KIRREL3: variants seen among roughly 807,000 people sequenced by gnomAD.
KIRREL3 encodes the protein kin of IRRE-like protein 3.
A neutral mutation model predicts 89.7 loss-of-function variants in KIRREL3; 36 were observed. That is an observed-to-expected ratio of 0.40 (90% CI 0.31 to 0.53). KIRREL3 has a LOEUF of 0.53. KIRREL3 is among the 20% of genes least tolerant of loss of function. The pLI, the probability that KIRREL3 is intolerant of heterozygous loss-of-function variation, is 0.49. For synonymous variants in KIRREL3, 445 were observed against 441.4 expected (o/e 1.01, Z -0.10); for missense variants, 864 against 1,056.6 (o/e 0.82, Z 2.53).
At position 126,903,762 on chromosome 11, in the gene KIRREL3, A is replaced by G. The variant is rs1339071552; in HGVS notation, c.55+96693T>C. Reference sequence around the variant, plus strand: ...TTTCTGTAATCACCTTAATAGGTCAACATAACAATGGATGTTGCTGGTGGA... The same window carrying G: ...TTTCTGTAATCACCTTAATAGGTCAGCATAACAATGGATGTTGCTGGTGGA... On this transcript the variant is annotated intron_variant, in intron 1 of 16. Transcript: ENST00000525144. The surrounding 1 kb of genome is among the most constrained non-coding windows in gnomAD (Gnocchi z 4.5). Among the ~76,000 whole-genome samples the G allele has an allele frequency of 1.3e-5, 2 of 152,222 alleles. No homozygotes were observed. Among genetic ancestry groups the G allele is most frequent in the Non-Finnish European group, 2.9e-5 (2 of 68,036 alleles).
At chr11:126,825,604 T>A (rs978510992) in intron 1 of KIRREL3, among the ~76,000 whole-genome samples, 4 of 152,232 alleles carry the variant, frequency 2.6e-5, no homozygotes, top group Non-Finnish European at 4.4e-5. Flanking sequence ...CTGTTACCAC[T>A]GGGTTTGTTG....
chr11:126,874,286 G>A (rs1945201681), intron 1 of KIRREL3, among the ~76,000 whole-genome samples: 1 of 152,196 alleles, frequency 6.6e-6, no homozygotes, highest in Non-Finnish European at 1.5e-5. Flanking sequence ...AGACATGGCA[G>A]AAAATTCTGA....
chr11:126,726,524 C>T (rs1024249223), intron 1 of KIRREL3, among the ~76,000 whole-genome samples: 5 of 152,166 alleles, frequency 3.3e-5, no homozygotes, highest in Non-Finnish European at 5.9e-5. Context: ...TGCACCGCCA[C>T]GCCTGGCTAA....
At chr11:126,759,341 G>A (rs1164662189) in intron 1 of KIRREL3, among the ~76,000 whole-genome samples, 2 of 152,178 alleles carry the variant, frequency 1.3e-5, no homozygotes, top group African/African-American at 2.4e-5. Flanking sequence ...TATTGGCCAG[G>A]TTGGTCTCGA....
In KIRREL3 at chr11:126,521,430, C is replaced by T; in HGVS notation, c.318G>A (p.Leu106=). The change falls in exon 4 of 17, where the codon CTG becomes CTA. Residue 106 remains leucine, a synonymous_variant. Transcript: ENST00000525144. This position sits in a 1 kb window ranked among gnomAD's most constrained non-coding sequence, Gnocchi z 4.1. ...YPQYLVVGNH[L]SGEHHLKILR... ...GGATCTTCAGGTGGTGCTCCCCTGA[C>T]AGGTGGTTCCCTACCACCAGGTACT... 1 of 1,579,730 alleles carries T rather than the reference C, an allele frequency of 6.3e-7. No individual in the cohort carries two copies. The highest frequency in any genetic ancestry group is 2.3e-5 in the East Asian group (1 of 43,186).
At position 126,921,398 on chromosome 11, in the gene KIRREL3, T is replaced by C. The variant is rs1592359806; in HGVS notation, c.55+79057A>G. Among the ~76,000 whole-genome samples, 5 of 78,622 alleles carry C rather than the reference T, an allele frequency of 6.4e-5. No homozygotes were observed. In the South Asian group the frequency reaches 1.7e-3, roughly 26 times the overall value. The allele number at this position is 78,622 out of a possible 152,430, so 51.6% of individuals were successfully genotyped here. ...ATTCCCTCATCCTGTCTTGTATCTA[T>C]CTATCTATCTATCTATCTATCTATC... On this transcript the variant is annotated intron_variant, in intron 1 of 16. Transcript: ENST00000525144.
chr11:126,815,665 C>T lies in KIRREL3; in HGVS notation c.55+184790G>A, dbSNP rs1030044346. Among the ~76,000 whole-genome samples the T allele has an allele frequency of 3.9e-5, 6 of 152,120 alleles. No individual in the cohort carries two copies. The East Asian group carries it at 1.2e-3, about 29-fold the overall frequency. ...TCTCCTGCCTCAGCCTCCCGAGTAG[C>T]TGGGACTACAGGCAGCCGCCACCAC... On this transcript the variant is annotated intron_variant, in intron 1 of 16. Coordinates refer to ENST00000525144, the MANE Select transcript of KIRREL3 (RefSeq NM_032531.4).
chr11:126,570,956 A>G lies in KIRREL3; in HGVS notation c.56-8044T>C, dbSNP rs1039182847. Among the ~76,000 whole-genome samples, 2 of 152,056 alleles carry G rather than the reference A, an allele frequency of 1.3e-5. No homozygotes were observed. The highest frequency in any genetic ancestry group is 4.8e-5 in the African/African-American group (2 of 41,388). On this transcript the variant is annotated intron_variant, in intron 1 of 16. Coordinates refer to ENST00000525144, the MANE Select transcript of KIRREL3 (RefSeq NM_032531.4). The surrounding 1 kb of genome is among the most constrained non-coding windows in gnomAD (Gnocchi z 6.1). ...TCTCATCTCGTTTCACCCTCACAAC[A>G]CCTTTATGATCACAGGTGTTATTCT...
chr11:126,425,057 G>T, intron 16 of KIRREL3, 34 bp from the exon 17 acceptor site: 1 of 1,478,082 alleles, frequency 6.8e-7, no homozygotes, highest in Non-Finnish European at 9.0e-7. Context: ...GCGTCACCTG[G>T]TGGAGTCTCC....
In KIRREL3 at chr11:126,673,834, C is replaced by G. The variant is rs563586969; in HGVS notation, c.56-110922G>C. Among the ~76,000 whole-genome samples the G allele has an allele frequency of 4.6e-5, 7 of 152,334 alleles. No individual in the cohort carries two copies. The East Asian group carries it at 1.4e-3, about 29-fold the overall frequency. On this transcript the variant is annotated intron_variant, in intron 1 of 16. Coordinates refer to ENST00000525144, the MANE Select transcript of KIRREL3 (RefSeq NM_032531.4). The stretch of plus-strand genomic sequence containing the variant: ...AGCTCTAAACACCGGGATGGATGTT[C>G]CTCCCTCCACATTTGGGTTTTTGCG...
chr11:126,700,964 T>C (rs1011237432), intron 1 of KIRREL3, among the ~76,000 whole-genome samples: 33 of 152,228 alleles, frequency 2.2e-4, no homozygotes, highest in African/African-American at 7.5e-4. Context: ...GGCTTCCAGA[T>C]TTATTTCATT....
intron 1 of KIRREL3, among the ~76,000 whole-genome samples, chr11:126,701,354 G>A (rs574132762): frequency 6.6e-6 from 1 of 152,096 alleles, no homozygotes; most frequent in African/African-American, 2.4e-5. Context: ...GAGCCCCCTG[G>A]ATTCTCTCAG....
At chr11:126,698,012 A>G (rs1015668219) in intron 1 of KIRREL3, among the ~76,000 whole-genome samples, 1 of 152,246 alleles carries the variant, frequency 6.6e-6, no homozygotes, top group East Asian at 1.9e-4. Flanking sequence ...GTCAAGCACA[A>G]TAATAATTTG....
Position 126,940,155 on chromosome 11 carries a change from C to G in KIRREL3, c.55+60300G>C, listed in dbSNP as rs1218327523. Among the ~76,000 whole-genome samples, 1 of 152,142 alleles carries G rather than the reference C, an allele frequency of 6.6e-6. No individual in the cohort carries two copies. Among genetic ancestry groups the G allele is most frequent in the Non-Finnish European group, 1.5e-5 (1 of 68,008 alleles). On this transcript the variant is annotated intron_variant, in intron 1 of 16. Transcript: ENST00000525144. This position sits in a 1 kb window ranked among gnomAD's most constrained non-coding sequence, Gnocchi z 4.6. ...TTTGGACCACAGGCAGGTCAGAATG[C>G]CCTAGCACTTCCACAAACAGCCTGC...
intron 1 of KIRREL3, among the ~76,000 whole-genome samples, chr11:126,786,064 G>T (rs961637280): frequency 3.9e-5 from 6 of 151,970 alleles, no homozygotes; most frequent in African/African-American, 1.5e-4. Context: ...ATCTGTGAGG[G>T]TAATAGCAAA....
intron 1 of KIRREL3, among the ~76,000 whole-genome samples, chr11:126,585,917 G>A (rs1248252186): frequency 3.3e-5 from 5 of 152,264 alleles, no homozygotes; most frequent in Non-Finnish European, 5.9e-5. Flanking sequence ...CTGAGACAGA[G>A]GAGGGAGATG....
intron 1 of KIRREL3, among the ~76,000 whole-genome samples, chr11:126,716,054 G>A (rs1264190163): frequency 6.6e-6 from 1 of 152,032 alleles, no homozygotes; most frequent in East Asian, 1.9e-4. Context: ...GGGAGGTGAG[G>A]GGGAATGTGG....
rs1565423389 is a variant in KIRREL3 at position 126,923,201 on chromosome 11, CTTCTTCTTCTTCTTCT to C, written c.55+77238_55+77253del. On this transcript the variant is annotated intron_variant, in intron 1 of 16. Coordinates refer to ENST00000525144, the MANE Select transcript of KIRREL3 (RefSeq NM_032531.4). ...CTCTTCTTCTTCTCTTCTTCTTCTTCTTCTTCTTCTTCTTCTTCTTCTTCTTCTTCTTCTTCTTCTT... is the reference window on the plus strand; with the variant it reads ...CTCTTCTTCTTCTCTTCTTCTTCTTCTCTTCTTCTTCTTCTTCTTCTTCTT... 3.8e-3 allele frequency among the ~76,000 whole-genome samples: 66 copies of C among 17,240 alleles called. 13 individuals are homozygous for C. Among genetic ancestry groups the C allele is most frequent in the East Asian group, 0.015 (13 of 888 alleles). The allele number at this position is 17,240 out of a possible 152,430, so 11.3% of individuals were successfully genotyped here.
chr11:126,672,364 G>T (rs1156466509), intron 1 of KIRREL3, among the ~76,000 whole-genome samples: 1 of 152,140 alleles, frequency 6.6e-6, no homozygotes, highest in Non-Finnish European at 1.5e-5. Flanking sequence ...AAATAAAGTT[G>T]TTATAAATCC....
Sources: gnomAD v4.1 joint callset for allele counts (sites outside exome capture counted in the v4.1 genomes callset) on GRCh38, gnomAD v4.1.1 for gene constraint, Gnocchi (gnomAD v3.1) non-coding constraint, MANE v1.5 for transcripts, NCBI Gene and HGNC (gene_info 2026-07-23, HGNC 2026-07-21) for gene names.